Variants in PRIM2 observed in about 807,000 individuals in gnomAD.
The protein encoded by PRIM2 is DNA primase large subunit.
In PRIM2, 39 loss-of-function variants were observed where a neutral mutation model predicts 67.3. That is an observed-to-expected ratio of 0.58 (90% CI 0.45 to 0.76). PRIM2 has a LOEUF of 0.76. Among genes scored for constraint, PRIM2 ranks in the 30% least tolerant of loss-of-function variants. PRIM2 has a pLI of 0.00. For missense variants in PRIM2, 398 were observed against 598.7 expected, an observed-to-expected ratio of 0.66 and a Z score of 3.50; for synonymous variants, 143 against 198.7, an observed-to-expected ratio of 0.72 and a Z score of 2.36.
the PRIM2 span, among the ~76,000 whole-genome samples, chr6:57,283,927 T>A: frequency 6.6e-6 from 1 of 152,108 alleles, no homozygotes; most frequent in Non-Finnish European, 1.5e-5. Flanking sequence ...TGAAAAGCCT[T>A]TTAAGTAGGG....
intron 7 of PRIM2, among the ~76,000 whole-genome samples, chr6:57,458,404 G>A (rs1772881337): frequency 6.6e-6 from 1 of 152,184 alleles, no homozygotes; most frequent in East Asian, 1.9e-4. Flanking sequence ...TGATTATAGA[G>A]TGGGTGTTGT....
intron 11 of PRIM2, among the ~76,000 whole-genome samples, chr6:57,605,856 G>A (rs1327525683): frequency 2.6e-5 from 4 of 151,992 alleles, no homozygotes; most frequent in African/African-American, 9.6e-5. Context: ...TTCCATCCAT[G>A]ATTCTTTTAC....
At chr6:57,351,186 AT>A (rs911033981) in intron 5 of PRIM2, among the ~76,000 whole-genome samples, 2 of 151,072 alleles carry the variant, frequency 1.3e-5, no homozygotes, top group Admixed American at 1.3e-4. Context: ...TTGGATTTCT[AT>A]TTTTTTTCAG....
At chr6:57,321,351 C>T (rs1447673771) in intron 3 of PRIM2, among the ~76,000 whole-genome samples, 2 of 152,020 alleles carry the variant, frequency 1.3e-5, no homozygotes, top group South Asian at 4.1e-4. Flanking sequence ...ATTTGAGGTG[C>T]CTGTGGAGAT....
At chr6:57,436,205 A>G (rs935979011) in intron 7 of PRIM2, among the ~76,000 whole-genome samples, 1 of 152,206 alleles carries the variant, frequency 6.6e-6, no homozygotes, top group Admixed American at 6.5e-5. Flanking sequence ...GTTTGCCAAC[A>G]GTGGTATTGA....
At chr6:57,535,347 A>G (rs1774982312) in intron 9 of PRIM2, among the ~76,000 whole-genome samples, 2 of 152,128 alleles carry the variant, frequency 1.3e-5, no homozygotes, top group East Asian at 3.8e-4. Context: ...GTAATAATAT[A>G]CTGGGCTTTC....
intron 5 of PRIM2, among the ~76,000 whole-genome samples, chr6:57,374,273 C>CTATT (rs60492288): frequency 0.041 from 5,470 of 132,082 alleles, 390 homozygotes; most frequent in African/African-American, 0.14. Context: ...TATAGGAATG[C>CTATT]TATTTATTTA....
At chr6:57,348,162 G>A (rs973649822) in intron 5 of PRIM2, among the ~76,000 whole-genome samples, 7 of 151,852 alleles carry the variant, frequency 4.6e-5, no homozygotes, top group Non-Finnish European at 7.4e-5. Flanking sequence ...CAACTTAGTC[G>A]TTGAGGGGTT....
intron 3 of PRIM2, 54 bp from the exon 4 acceptor site, chr6:57,324,147 A>T: frequency 9.9e-7 from 1 of 1,005,538 alleles, no homozygotes; most frequent in Non-Finnish European, 1.5e-6. Flanking sequence ...GTATTTCCTT[A>T]CACCTCTTAC....
At chr6:57,245,898 C>G in the PRIM2 span, among the ~76,000 whole-genome samples, 2 of 152,190 alleles carry the variant, frequency 1.3e-5, no homozygotes. Context: ...TATAAAGTTA[C>G]AGCTTTAAAA....
rs566941260 is a variant in PRIM2 at position 57,361,946 on chromosome 6, C to T, written c.460-17955C>T. Among the ~76,000 whole-genome samples the T allele has an allele frequency of 1.1e-4, 16 of 152,086 alleles. No individual in the cohort carries two copies. In the South Asian group the frequency reaches 2.3e-3, roughly 22 times the overall value. On this transcript the variant is annotated intron_variant, in intron 5 of 13. Coordinates refer to ENST00000615550, the MANE Select transcript of PRIM2 (RefSeq NM_000947.5). The stretch of plus-strand genomic sequence containing the variant: ...CATGGGCTGGATTAATGTAGGAAGG[C>T]GTCATTGAGCTGACAGCTGTGAACA...
chr6:57,400,515 C>T (rs1267372626), intron 7 of PRIM2, among the ~76,000 whole-genome samples: 1 of 152,140 alleles, frequency 6.6e-6, no homozygotes, highest in Non-Finnish European at 1.5e-5. Context: ...TCCTTTCTCT[C>T]TAGCTGCCTT....
rs1300702489 is a variant in PRIM2 at position 57,639,193 on chromosome 6, C to A, written c.1300-6735C>A. Reference sequence around the variant, plus strand: ...AAATTAAGGCAGAAATAAATAAGTTCTTGAAACCATTGAGAACAAAGACAC... The same window carrying A: ...AAATTAAGGCAGAAATAAATAAGTTATTGAAACCATTGAGAACAAAGACAC... On this transcript the variant is annotated intron_variant, in intron 13 of 13. Transcript: ENST00000615550. Among the ~76,000 whole-genome samples the A allele has an allele frequency of 1.4e-3, 206 of 152,166 alleles. 4 individuals carry two copies. In the East Asian group the frequency reaches 0.018, roughly 13 times the overall value.
chr6:57,331,980 T>G (rs1255985430), intron 5 of PRIM2, among the ~76,000 whole-genome samples: 1 of 151,792 alleles, frequency 6.6e-6, no homozygotes, highest in Non-Finnish European at 1.5e-5. Context: ...TTTCTTAAGG[T>G]AGGAGTTTAG....
intron 10 of PRIM2, among the ~76,000 whole-genome samples, chr6:57,556,020 G>C (rs1775507945): frequency 6.6e-6 from 1 of 152,194 alleles, no homozygotes; most frequent in Non-Finnish European, 1.5e-5. Context: ...TCAGTAATCA[G>C]GAACACAATG....
chr6:57,242,393 C>T, the PRIM2 span, among the ~76,000 whole-genome samples: 1 of 151,796 alleles, frequency 6.6e-6, no homozygotes, highest in Non-Finnish European at 1.5e-5. Context: ...TTTTAATCTA[C>T]TAACAATGTT....
At chr6:57,271,178 C>G in the PRIM2 span, among the ~76,000 whole-genome samples, 9 of 152,090 alleles carry the variant, frequency 5.9e-5, no homozygotes, top group Non-Finnish European at 1.3e-4. Flanking sequence ...TTTCTCTATT[C>G]ATTGGACTAG....
At chr6:57,296,622 G>A in the PRIM2 span, among the ~76,000 whole-genome samples, 1 of 151,672 alleles carries the variant, frequency 6.6e-6, no homozygotes, top group Non-Finnish European at 1.5e-5. Flanking sequence ...GGTGGTGGTA[G>A]GGTGGTGGTA....
chr6:57,573,809 T>C (rs1266264314), intron 10 of PRIM2, among the ~76,000 whole-genome samples: 1 of 152,236 alleles, frequency 6.6e-6, no homozygotes, highest in Non-Finnish European at 1.5e-5. Flanking sequence ...GTAACATCCT[T>C]ACACACATAT....
Sources: allele counts gnomAD v4.1 joint callset (sites outside exome capture counted in the v4.1 genomes callset), GRCh38; gene constraint gnomAD v4.1.1; transcripts MANE v1.5; gene names NCBI Gene and HGNC (gene_info 2026-07-23, HGNC 2026-07-21).